Variants in FGF12 observed in about 807,000 individuals in gnomAD.
The protein encoded by FGF12 is fibroblast growth factor 12B.
FGF12 carries 14 observed loss-of-function variants against 23.6 expected under a neutral mutation model. That is an observed-to-expected ratio of 0.59 (90% CI 0.39 to 0.93). FGF12 has a LOEUF of 0.93. Ranked by LOEUF, FGF12 falls within the 40% of genes least tolerant of loss-of-function variation. The pLI is 0.00. For missense variants in FGF12, 175 were observed against 217.8 expected (o/e 0.80, Z 1.24); for synonymous variants, 62 against 77.3 (o/e 0.80, Z 1.04).
At chr3:192,326,270 G>C (rs1694635255) in intron 4 of FGF12, among the ~76,000 whole-genome samples, 1 of 152,144 alleles carries the variant, frequency 6.6e-6, no homozygotes, top group Non-Finnish European at 1.5e-5. Flanking sequence ...GTTATTTGGG[G>C]CTGCAGAAAT....
At chr3:192,649,982 T>A (rs1283838455) in intron 2 of FGF12, among the ~76,000 whole-genome samples, 1 of 152,218 alleles carries the variant, frequency 6.6e-6, no homozygotes, top group African/African-American at 2.4e-5. Context: ...ATAAGTTGGT[T>A]TTGAAGGAAA....
chr3:192,702,766 TGA>T (rs1718343939), intron 2 of FGF12, among the ~76,000 whole-genome samples: 1 of 152,118 alleles, frequency 6.6e-6, no homozygotes, highest in Admixed American at 6.6e-5. Context: ...CACTCCAGCC[TGA>T]GCAAGGGAAA....
chr3:192,277,843 AC>A (rs1479789005), intron 4 of FGF12, among the ~76,000 whole-genome samples: 2 of 152,066 alleles, frequency 1.3e-5, no homozygotes, highest in East Asian at 3.9e-4. Context: ...GCCCACTGCA[AC>A]CTTCACCTCC....
chr3:192,297,181 A>T (rs575427901), intron 4 of FGF12, among the ~76,000 whole-genome samples: 2 of 152,370 alleles, frequency 1.3e-5, no homozygotes, highest in African/African-American at 4.8e-5. Flanking sequence ...CTATTTGGTT[A>T]GAATTTCCCA....
At chr3:192,571,312 T>TA (rs1208926912) in intron 2 of FGF12, among the ~76,000 whole-genome samples, 1 of 152,094 alleles carries the variant, frequency 6.6e-6, no homozygotes, top group Non-Finnish European at 1.5e-5. Flanking sequence ...ATCTGCCCCC[T>TA]AAAAAACAAA....
intron 4 of FGF12, among the ~76,000 whole-genome samples, chr3:192,258,319 G>A (rs1196373439): frequency 5.9e-5 from 9 of 152,150 alleles, no homozygotes; most frequent in Admixed American, 3.9e-4. Context: ...TTAGCCAGGC[G>A]TGGTAGTGCA....
intron 2 of FGF12, among the ~76,000 whole-genome samples, chr3:192,464,411 C>G (rs370082545): frequency 6.6e-6 from 1 of 151,522 alleles, no homozygotes; most frequent in East Asian, 2.0e-4. Flanking sequence ...TCCGGAGTTA[C>G]CTCACTTAGA....
At chr3:192,325,516 T>C (rs1182156495) in intron 4 of FGF12, among the ~76,000 whole-genome samples, 6 of 152,310 alleles carry the variant, frequency 3.9e-5, no homozygotes, top group African/African-American at 1.4e-4. Flanking sequence ...TCTTTCACTT[T>C]TCTGAGACGT....
chr3:192,245,195 A>G (rs1711509854), intron 4 of FGF12, among the ~76,000 whole-genome samples: 1 of 152,206 alleles, frequency 6.6e-6, no homozygotes, highest in Non-Finnish European at 1.5e-5. Flanking sequence ...TCCTGGGCTC[A>G]AGCAATCCTC....
chr3:192,152,816 G>T (rs1239322467), intron 5 of FGF12, among the ~76,000 whole-genome samples: 44 of 97,950 alleles, frequency 4.5e-4, no homozygotes, highest in African/African-American at 1.8e-3. Flanking sequence ...GAGTTCTGTA[G>T]ATGTCTATTA....
chr3:192,325,713 G>C (rs1461089099), intron 4 of FGF12, among the ~76,000 whole-genome samples: 1 of 152,156 alleles, frequency 6.6e-6, no homozygotes, highest in Non-Finnish European at 1.5e-5. Flanking sequence ...CTTTCACTGA[G>C]AGATTAACTG....
chr3:192,259,294 T>G, intron 4 of FGF12, among the ~76,000 whole-genome samples: 2 of 152,146 alleles, frequency 1.3e-5, no homozygotes, highest in East Asian at 3.8e-4. Flanking sequence ...AGATAAGAGT[T>G]GTATTGGAAT....
intron 2 of FGF12, among the ~76,000 whole-genome samples, chr3:192,363,040 G>C (rs894507404): frequency 2.0e-5 from 3 of 150,344 alleles, no homozygotes; most frequent in Non-Finnish European, 3.0e-5. Context: ...ATTGAACAAT[G>C]AGAACACTTG....
At chr3:192,428,016 A>G (rs1178678870) in intron 2 of FGF12, among the ~76,000 whole-genome samples, 1 of 152,226 alleles carries the variant, frequency 6.6e-6, no homozygotes, top group African/African-American at 2.4e-5. Flanking sequence ...AACCAAAGCC[A>G]AAGGATGTTA....
intron 2 of FGF12, among the ~76,000 whole-genome samples, chr3:192,420,481 T>A (rs895071708): frequency 3.3e-5 from 5 of 152,118 alleles, no homozygotes; most frequent in African/African-American, 1.2e-4. Flanking sequence ...GGTGTTTGGG[T>A]CATGGGAGCA....
chr3:192,452,352 A>T (rs1256592252), intron 2 of FGF12, among the ~76,000 whole-genome samples: 1 of 151,992 alleles, frequency 6.6e-6, no homozygotes, highest in African/African-American at 2.4e-5. Flanking sequence ...CTAAGGACAA[A>T]CTCCACTTAG....
chr3:192,584,574 T>G (rs891446634), intron 2 of FGF12, among the ~76,000 whole-genome samples: 1 of 152,144 alleles, frequency 6.6e-6, no homozygotes, highest in African/African-American at 2.4e-5. Flanking sequence ...TTGGCTCTTT[T>G]AGTTGCATAC....
chr3:192,319,545 T>G (rs1577349640), intron 4 of FGF12, among the ~76,000 whole-genome samples: 1 of 152,004 alleles, frequency 6.6e-6, no homozygotes, highest in Non-Finnish European at 1.5e-5. Context: ...TGCAGTGAGC[T>G]GAGATCGCAC....
intron 2 of FGF12, among the ~76,000 whole-genome samples, chr3:192,542,028 A>AT (rs35810428): frequency 0.04 from 5,508 of 137,652 alleles, 310 homozygotes; most frequent in African/African-American, 0.12. Context: ...CATGCCTGGC[A>AT]TTTTTTTTTT....
Sources: allele counts gnomAD v4.1 joint callset (sites outside exome capture counted in the v4.1 genomes callset), GRCh38; gene constraint gnomAD v4.1.1; transcripts MANE v1.5; gene names NCBI Gene and HGNC (gene_info 2026-07-23, HGNC 2026-07-21).